The following TMED8 variants were observed in gnomAD, a reference collection of about 807,000 sequenced individuals.
TMED8 encodes the protein transmembrane p24 trafficking protein family member 8.
A neutral mutation model predicts 32.7 loss-of-function variants in TMED8; 15 were observed. The ratio of observed to expected loss-of-function variants is 0.46; its 90% CI spans 0.31 to 0.71. TMED8 has a LOEUF of 0.71. Among genes scored for constraint, TMED8 ranks in the 30% least tolerant of loss-of-function variants. The pLI is 0.06. For synonymous variants in TMED8, 147 were observed against 161.4 expected, an observed-to-expected ratio of 0.91 and a Z score of 0.68; for missense variants, 390 against 423.9, an observed-to-expected ratio of 0.92 and a Z score of 0.70.
intron 1 of TMED8, among the ~76,000 whole-genome samples, chr14:77,358,181 T>TCACACACACA (rs75880149): frequency 2.5e-4 from 37 of 145,410 alleles, no homozygotes; most frequent in East Asian, 8.1e-4. Context: ...ATGTAATATA[T>TCACACACACA]CACACACACA....
intron 3 of TMED8, 128 bp downstream of exon 3, chr14:77,346,221 C>T (rs1893027983): frequency 2.0e-6 from 2 of 977,288 alleles, no homozygotes; most frequent in Admixed American, 5.7e-5. Context: ...CCAAGATGCC[C>T]TAAATTAGAG....
chr14:77,350,018 T>C (rs1893143428), intron 2 of TMED8, among the ~76,000 whole-genome samples: 1 of 152,256 alleles, frequency 6.6e-6, no homozygotes. Flanking sequence ...CACTGGCTAA[T>C]ACCAACTGGT....
At chr14:77,357,670 G>T (rs976997104) in intron 1 of TMED8, among the ~76,000 whole-genome samples, 5 of 152,132 alleles carry the variant, frequency 3.3e-5, no homozygotes, top group African/African-American at 1.2e-4. Context: ...CCTAATTTTG[G>T]CCTGTGGGAG....
intron 2 of TMED8, among the ~76,000 whole-genome samples, chr14:77,350,128 T>C (rs187339581): frequency 8.8e-4 from 134 of 152,288 alleles, no homozygotes; most frequent in African/African-American, 3.0e-3. Flanking sequence ...TGGGGGATTT[T>C]TGTCTTTATA....
intron 1 of TMED8, among the ~76,000 whole-genome samples, chr14:77,371,674 C>T (rs1047411085): frequency 4.6e-5 from 7 of 152,086 alleles, no homozygotes; most frequent in African/African-American, 7.2e-5. Flanking sequence ...GGAGATGCAG[C>T]GCTGTTTCAG....
intron 1 of TMED8, among the ~76,000 whole-genome samples, chr14:77,367,988 C>G (rs962261462): frequency 6.6e-6 from 1 of 152,214 alleles, no homozygotes; most frequent in South Asian, 2.1e-4. Context: ...GCCACCGCAC[C>G]CAGCCAGTTT....
rs10141114 is a variant in TMED8, at chr14:77,377,020, A to G, written c.34T>C (p.Ser12Pro). Residue 12 changes from serine to proline, a missense_variant, in exon 1 of 6, where the codon TCC becomes CCC. Coordinates refer to ENST00000216468, the MANE Select transcript of TMED8 (RefSeq NM_213601.3). The stretch of plus-strand genomic sequence containing the variant: ...CCTGGGCGGGCTGTGGGGCTCCAGG[A>G]GCCCGGCCCCTCAGCCGCCTGCAGG... ...SDLQAAEGPG[S>P]WSPTARPGSA... 0.2 allele frequency: 274,692 copies of G among 1,399,650 alleles called. 28,296 individuals are homozygous for G. The highest frequency in any genetic ancestry group is 0.26 in the Admixed American group (7,396 of 28,818). 86.7% of individuals were successfully genotyped at this position (1,399,650 alleles called of 1,614,324 possible).
chr14:77,352,493 C>T (rs1232694840), intron 1 of TMED8, among the ~76,000 whole-genome samples: 1 of 151,782 alleles, frequency 6.6e-6, no homozygotes, highest in Admixed American at 6.6e-5. Context: ...AATCCCAGCA[C>T]TTTGGGAGGC....
rs1892812725 is a variant in TMED8 at position 77,338,243 on chromosome 14, A to C, written c.*3528T>G. 6.6e-6 allele frequency: 1 copy of C among 152,170 alleles called. No individual in the cohort carries two copies. Among genetic ancestry groups the C allele is most frequent in the Admixed American group, 6.5e-5 (1 of 15,274 alleles). 9.4% of individuals were successfully genotyped at this position (152,170 alleles called of 1,614,324 possible). A position where few individuals can be genotyped will look rare whatever the true frequency, so the allele number is the denominator to read the frequency against. On this transcript the variant is annotated 3_prime_UTR_variant, in exon 6 of 6. Coordinates refer to ENST00000216468, the MANE Select transcript of TMED8 (RefSeq NM_213601.3). ...AGGAAATTTACCCCCCAATATATTTATTTGACGTATTTTGAAATGGCCCTA... is the reference window on the plus strand; with the variant it reads ...AGGAAATTTACCCCCCAATATATTTCTTTGACGTATTTTGAAATGGCCCTA...
At chr14:77,346,549 A>G in intron 2 of TMED8, 71 bp from the exon 3 acceptor site, 1 of 1,594,610 alleles carries the variant, frequency 6.3e-7, no homozygotes, top group Non-Finnish European at 8.6e-7. Flanking sequence ...AGAAACTTTG[A>G]AATAAAACAA....
chr14:77,349,468 T>A (rs1270322179), intron 2 of TMED8, among the ~76,000 whole-genome samples: 2 of 152,134 alleles, frequency 1.3e-5, no homozygotes, highest in Admixed American at 1.3e-4. Context: ...CACTCTGCCC[T>A]GGTCCCTCCA....
Position 77,336,610 on chromosome 14 carries a change from G to C in TMED8, c.*5161C>G, listed in dbSNP as rs926666126. Reference sequence around the variant, plus strand: ...CTGAGCAAAATTCTAAGATATATTCGATAGGTTTGCTCTCCCCTCCCCCCA... The same window carrying C: ...CTGAGCAAAATTCTAAGATATATTCCATAGGTTTGCTCTCCCCTCCCCCCA... On this transcript the variant is annotated 3_prime_UTR_variant, in exon 6 of 6. Transcript: ENST00000216468. 3 of 152,082 alleles carry C rather than the reference G, an allele frequency of 2.0e-5. No homozygotes were observed. Among genetic ancestry groups the C allele is most frequent in the South Asian group, 2.1e-4 (1 of 4,820 alleles). 9.4% of individuals were successfully genotyped at this position (152,082 alleles called of 1,614,324 possible).
intron 1 of TMED8, among the ~76,000 whole-genome samples, chr14:77,361,678 A>C (rs1443099324): frequency 7.1e-6 from 1 of 141,566 alleles, no homozygotes; most frequent in Non-Finnish European, 1.5e-5. Context: ...GAACAATATT[A>C]ATTTTTCCAA....
chr14:77,366,904 T>C (rs967756794), intron 1 of TMED8, among the ~76,000 whole-genome samples: 2 of 151,998 alleles, frequency 1.3e-5, no homozygotes, highest in African/African-American at 4.8e-5. Flanking sequence ...CAATCCAAGA[T>C]CAAAGTCAGC....
At chr14:77,369,011 T>C (rs759006466) in intron 1 of TMED8, among the ~76,000 whole-genome samples, 15 of 152,226 alleles carry the variant, frequency 9.9e-5, no homozygotes, top group Non-Finnish European at 2.1e-4. Flanking sequence ...ATCCTATAGG[T>C]AGGTGCTTAT....
chr14:77,343,736 C>A lies in TMED8; in HGVS notation c.415G>T (p.Asp139Tyr). 6.2e-7 allele frequency: 1 copy of A among 1,614,182 alleles called. No individual in the cohort carries two copies. The highest frequency in any genetic ancestry group is 1.1e-5 in the South Asian group (1 of 91,064). ...HTGAIDVLSA[D>Y]LESADLLGDH... is the part of the protein sequence containing the mutation. ...CCCAGAAGATCTGCAGATTCCAAAT[C>A]AGCTGAAAGAACATCTATAGCTCCT... is the stretch of plus-strand genomic sequence containing the variant. Residue 139 changes from aspartate to tyrosine, a missense_variant, in exon 4 of 6, where the codon GAT becomes TAT. By Grantham distance (160) the Asp-to-Tyr change is radical. Coordinates refer to ENST00000216468, the MANE Select transcript of TMED8 (RefSeq NM_213601.3).
intron 1 of TMED8, among the ~76,000 whole-genome samples, chr14:77,372,906 TTATA>T (rs1167584417): frequency 0.015 from 521 of 35,206 alleles, 3 homozygotes; most frequent in Middle Eastern, 0.02. Flanking sequence ...GCCACAGATA[TTATA>T]TATATATATA....
intron 1 of TMED8, among the ~76,000 whole-genome samples, chr14:77,367,814 C>T (rs948110285): frequency 6.6e-6 from 1 of 152,146 alleles, no homozygotes; most frequent in Non-Finnish European, 1.5e-5. Flanking sequence ...CTGCCTCAGC[C>T]TCCTGAGCAG....
intron 1 of TMED8, among the ~76,000 whole-genome samples, chr14:77,372,909 TATATATATATATATATATATA>T (rs1893706441): frequency 1.6e-3 from 13 of 8,038 alleles, no homozygotes; most frequent in Admixed American, 3.8e-3. Context: ...ACAGATATTA[TATATATATATATATATATATA>T]TATATATATA....
Sources: allele counts gnomAD v4.1 joint callset (sites outside exome capture counted in the v4.1 genomes callset), GRCh38; gene constraint gnomAD v4.1.1; transcripts MANE v1.5; gene names NCBI Gene and HGNC (gene_info 2026-07-23, HGNC 2026-07-21).